PLCG2: variants seen among roughly 807,000 people sequenced by gnomAD.
PLCG2 encodes the protein 1-phosphatidylinositol 4,5-bisphosphate phosphodiesterase gamma-2.
PLCG2 carries 69 observed loss-of-function variants against 175.6 expected under a neutral mutation model. That is an observed-to-expected ratio of 0.39 (90% CI 0.32 to 0.48). PLCG2 has a LOEUF of 0.48. Ranked by LOEUF, PLCG2 falls within the 20% of genes least tolerant of loss-of-function variation. The probability of loss-of-function intolerance (pLI) is 0.91; values close to 1 mark genes in which losing one functional copy is unlikely to be tolerated. For missense variants in PLCG2, 1,798 were observed against 1,650.9 expected (o/e 1.09, Z -1.54); for synonymous variants, 827 against 624.0 (o/e 1.33, Z -4.85).
chr16:81,778,053 A>AC (rs1312443212), upstream of PLCG2, among the ~76,000 whole-genome samples: 4 of 52,020 alleles, frequency 7.7e-5, 1 homozygote, highest in Admixed American at 1.6e-4. Flanking sequence ...CAAAAAAAAA[A>AC]ACAAAAAAAA....
chr16:81,911,618 T>TA (rs939658213), intron 18 of PLCG2, among the ~76,000 whole-genome samples: 1 of 150,832 alleles, frequency 6.6e-6, no homozygotes, highest in African/African-American at 2.4e-5. Context: ...ATTAATTAAT[T>TA]AATTAATTTT....
In PLCG2 at chr16:81,937,816, T is replaced by G; in HGVS notation, c.3111T>G (p.Val1037=). The G allele has an allele frequency of 1.2e-6, 2 of 1,613,862 alleles. No homozygotes were observed. The highest frequency in any genetic ancestry group is 1.7e-6 in the Non-Finnish European group (2 of 1,179,746). The change falls in exon 28 of 33, where the codon GTT becomes GTG. Residue 1037 remains valine (V), a synonymous_variant. Coordinates refer to ENST00000564138, the MANE Select transcript of PLCG2 (RefSeq NM_002661.5). ...LFSLNGRTGY[V]LQPESMRTEK... Reference sequence around the variant, plus strand: ...CTCTCAATGGGCGCACGGGCTACGTTCTGCAGCCTGAGAGCATGAGGACAG... The same window carrying G: ...CTCTCAATGGGCGCACGGGCTACGTGCTGCAGCCTGAGAGCATGAGGACAG...
intron 31 of PLCG2, among the ~76,000 whole-genome samples, chr16:81,946,494 G>T (rs1911155473): frequency 6.6e-6 from 1 of 152,158 alleles, no homozygotes; most frequent in African/African-American, 2.4e-5. Context: ...TGTAGGCAGT[G>T]TAGGAAAGGG....
At chr16:81,773,473 A>T (rs1051542104) in intron 2 of PLCG2, among the ~76,000 whole-genome samples, 2 of 152,120 alleles carry the variant, frequency 1.3e-5, no homozygotes, top group African/African-American at 4.8e-5. Context: ...ACAGGGGGGT[A>T]AGAGGCAGAG....
chr16:81,887,791 A>G (rs552103264), intron 9 of PLCG2, among the ~76,000 whole-genome samples: 3 of 152,328 alleles, frequency 2.0e-5, no homozygotes, highest in Non-Finnish European at 4.4e-5. Context: ...TACATGTCAT[A>G]TTTCATCCCC....
At chr16:81,777,480 T>C (rs115021547), upstream of PLCG2, among the ~76,000 whole-genome samples, 979 of 147,984 alleles carry the variant, frequency 6.6e-3, 9 homozygotes, top group African/African-American at 0.023. Flanking sequence ...GAATTGCCCC[T>C]AGATGTAGTC....
At chr16:81,747,814 A>T (rs142253515) in intron 1 of PLCG2, among the ~76,000 whole-genome samples, 3 of 152,320 alleles carry the variant, frequency 2.0e-5, no homozygotes, top group Non-Finnish European at 4.4e-5. Flanking sequence ...GTCATAAAAG[A>T]CAATATGGAC....
rs1158722690 is a variant in PLCG2 at position 81,804,251 on chromosome 16, A to C, written c.193+18069A>C. On this transcript the variant is annotated intron_variant, in intron 2 of 32. Coordinates refer to ENST00000564138, the MANE Select transcript of PLCG2 (RefSeq NM_002661.5). ...TTTTTGGTTATCACCATCCTAGTGG[A>C]GGTGAAGTGTTATGTCATTGTGGTT... Among the ~76,000 whole-genome samples, 8 of 152,310 alleles carry C rather than the reference A, an allele frequency of 5.3e-5. No homozygotes were observed. The East Asian group carries it at 1.5e-3, about 29-fold the overall frequency.
chr16:81,871,423 T>A (rs1205444795), intron 7 of PLCG2, among the ~76,000 whole-genome samples: 1 of 152,094 alleles, frequency 6.6e-6, no homozygotes, highest in Non-Finnish European at 1.5e-5. Flanking sequence ...ACTGCAACCT[T>A]TGCCTCCCGG....
intron 2 of PLCG2, among the ~76,000 whole-genome samples, chr16:81,829,898 G>C (rs1905193440): frequency 6.6e-6 from 1 of 151,952 alleles, no homozygotes. Flanking sequence ...TCAGTAGTGA[G>C]TGCCAAATCG....
At chr16:81,878,560 C>T (rs990453113) in intron 7 of PLCG2, among the ~76,000 whole-genome samples, 1 of 152,166 alleles carries the variant, frequency 6.6e-6, no homozygotes, top group Non-Finnish European at 1.5e-5. Flanking sequence ...TTTAAAGTAA[C>T]CTACTCCAAG....
intron 30 of PLCG2, among the ~76,000 whole-genome samples, 156 bp downstream of exon 30, chr16:81,940,215 C>T (rs779630146): frequency 6.6e-5 from 10 of 152,176 alleles, no homozygotes; most frequent in Non-Finnish European, 1.0e-4. Flanking sequence ...TACAGCCTGT[C>T]GTGTAGCACA....
chr16:81,813,757 T>C (rs1467433605), intron 2 of PLCG2, among the ~76,000 whole-genome samples: 1 of 144,252 alleles, frequency 6.9e-6, no homozygotes, highest in Non-Finnish European at 1.6e-5. Context: ...TGTTCCTTTG[T>C]GCAGCGTCTC....
chr16:81,870,746 TA>T, intron 6 of PLCG2, 105 bp from the exon 7 acceptor site: 1 of 598,688 alleles, frequency 1.7e-6, no homozygotes, highest in Non-Finnish European at 2.9e-6. Flanking sequence ...AGCATGCCAA[TA>T]AAATAGCATG....
Position 81,814,970 on chromosome 16 carries a change from T to A in PLCG2, c.193+28788T>A, listed in dbSNP as rs552057511. ...ACTAAACGTCAGCTGCTGGAGATGG[T>A]GGCGATAAGAAGTTACTTTTATTAT... On this transcript the variant is annotated intron_variant, in intron 2 of 32. Transcript: ENST00000564138. 2.6e-5 allele frequency among the ~76,000 whole-genome samples: 4 copies of A among 152,328 alleles called. No individual in the cohort carries two copies. The South Asian group carries it at 8.3e-4, about 32-fold the overall frequency.
chr16:81,892,959 C>T (rs1253120416), intron 11 of PLCG2, among the ~76,000 whole-genome samples: 1 of 151,958 alleles, frequency 6.6e-6, no homozygotes, highest in Non-Finnish European at 1.5e-5. Flanking sequence ...ATTCTCCTGC[C>T]TCAGCCTCCC....
chr16:81,941,563 ATT>A (rs35288622), intron 30 of PLCG2, among the ~76,000 whole-genome samples: 11,914 of 144,594 alleles, frequency 0.082, 481 homozygotes, highest in African/African-American at 0.096. Flanking sequence ...AAAGTTTCTG[ATT>A]TTTTTTTTTT....
intron 5 of PLCG2, among the ~76,000 whole-genome samples, chr16:81,861,751 C>T (rs1020217215): frequency 6.6e-6 from 1 of 152,210 alleles, no homozygotes; most frequent in Non-Finnish European, 1.5e-5. Flanking sequence ...CCCTCAGTGC[C>T]TCTCTCCACG....
At chr16:81,941,785 C>T (rs1375877180) in intron 30 of PLCG2, among the ~76,000 whole-genome samples, 2 of 151,694 alleles carry the variant, frequency 1.3e-5, no homozygotes, top group East Asian at 3.9e-4. Flanking sequence ...TAACCTCTGC[C>T]TCAGCCTCCT....
Sources: gnomAD v4.1 joint callset for allele counts (sites outside exome capture counted in the v4.1 genomes callset) on GRCh38, gnomAD v4.1.1 for gene constraint, MANE v1.5 for transcripts, NCBI Gene and HGNC (gene_info 2026-07-23, HGNC 2026-07-21) for gene names.